Variants in CCDC73 observed in about 807,000 individuals in gnomAD.
The protein encoded by CCDC73 is coiled-coil domain containing 73.
In CCDC73, 95 loss-of-function variants were observed where a neutral mutation model predicts 116.5. The ratio of observed to expected loss-of-function variants is 0.82; its 90% CI spans 0.69 to 0.97. The LOEUF is 0.97. CCDC73 is among the 50% of genes least tolerant of loss of function. The pLI is 0.00. For synonymous variants in CCDC73, 398 were observed against 401.3 expected (o/e 0.99, Z 0.10); for missense variants, 1,066 against 1,206.8 (o/e 0.88, Z 1.73).
chr11:32,627,027 C>T (rs897342090), intron 14 of CCDC73, among the ~76,000 whole-genome samples: 15 of 152,152 alleles, frequency 9.9e-5, no homozygotes, highest in Non-Finnish European at 1.5e-4. Flanking sequence ...TCAGAGTGAA[C>T]AGGCAACCTA....
At chr11:32,819,042 TA>T in the CCDC73 span, among the ~76,000 whole-genome samples, 2 of 152,180 alleles carry the variant, frequency 1.3e-5, no homozygotes, top group Non-Finnish European at 2.9e-5. Context: ...TTGTACCCTT[TA>T]AAATGGTTAA....
intron 6 of CCDC73, among the ~76,000 whole-genome samples, chr11:32,695,197 C>T (rs1317838179): frequency 2.0e-5 from 3 of 152,042 alleles, no homozygotes; most frequent in South Asian, 2.1e-4. Context: ...GGCAAAACCC[C>T]GTCTCTCCTA....
intron 9 of CCDC73, among the ~76,000 whole-genome samples, chr11:32,666,643 C>T (rs372251000): frequency 3.3e-5 from 5 of 152,174 alleles, no homozygotes; most frequent in African/African-American, 1.2e-4. Context: ...TTGTCTGAAG[C>T]CTTCTGCTCT....
At position 32,654,841 on chromosome 11, in the gene CCDC73, T is replaced by C; in HGVS notation, c.774+3A>G. On this transcript the variant is annotated splice_donor_region_variant and intron_variant, in intron 10 of 17. Coordinates refer to ENST00000335185, the MANE Select transcript of CCDC73 (RefSeq NM_001008391.4). ...TTATAAACAAATACATTTAATAAAA[T>C]ACCATGTTGAGTCTTTCTTGAAGTT... is the stretch of plus-strand genomic sequence containing the variant. The C allele has an allele frequency of 6.8e-7, 1 of 1,465,154 alleles. No homozygotes were observed. The highest frequency in any genetic ancestry group is 9.3e-7 in the Non-Finnish European group (1 of 1,076,750). The allele number at this position is 1,465,154 out of a possible 1,614,324, so 90.8% of individuals were successfully genotyped here.
At chr11:32,660,229 C>CAAAAAAA (rs11310092) in intron 9 of CCDC73, among the ~76,000 whole-genome samples, 2 of 66,506 alleles carry the variant, frequency 3.0e-5, no homozygotes, top group African/African-American at 1.2e-4. Flanking sequence ...TTCTCTCTAC[C>CAAAAAAA]AAAAAAAAAA....
chr11:32,701,380 C>T (rs552424512), intron 4 of CCDC73, among the ~76,000 whole-genome samples: 90 of 152,066 alleles, frequency 5.9e-4, no homozygotes, highest in African/African-American at 2.1e-3. Context: ...TGCAGCCTAA[C>T]AAATTATGAC....
At chr11:32,606,711 A>G (rs1428742855) in intron 17 of CCDC73, among the ~76,000 whole-genome samples, 1 of 151,960 alleles carries the variant, frequency 6.6e-6, no homozygotes, top group Non-Finnish European at 1.5e-5. Flanking sequence ...TGTCTTAATG[A>G]CCCTGGAAAG....
intron 12 of CCDC73, among the ~76,000 whole-genome samples, chr11:32,645,612 A>G (rs1855771899): frequency 6.6e-6 from 1 of 151,908 alleles, no homozygotes; most frequent in Admixed American, 6.6e-5. Context: ...AATAAATAGG[A>G]GGAGTAAACT....
intron 16 of CCDC73, among the ~76,000 whole-genome samples, chr11:32,612,843 TCCC>T (rs34529090): frequency 1.3e-5 from 2 of 152,090 alleles, no homozygotes; most frequent in African/African-American, 2.4e-5. Flanking sequence ...CATTTACCTC[TCCC>T]CCCATTTTTT....
chr11:32,819,160 G>A, the CCDC73 span, among the ~76,000 whole-genome samples: 3 of 108,140 alleles, frequency 2.8e-5, no homozygotes, highest in Non-Finnish European at 5.6e-5. Context: ...CATTAGGACA[G>A]TGATTTTTTT....
intron 6 of CCDC73, 106 bp from the exon 7 acceptor site, chr11:32,683,680 G>A: frequency 1.5e-6 from 1 of 653,786 alleles, no homozygotes; most frequent in Non-Finnish European, 2.7e-6. Context: ...TATCTTCTAT[G>A]TACCATTATT....
chr11:32,618,876 G>A (rs533063882), intron 14 of CCDC73, among the ~76,000 whole-genome samples: 5 of 151,916 alleles, frequency 3.3e-5, no homozygotes, highest in African/African-American at 4.8e-5. Flanking sequence ...TAGTCATTCC[G>A]ACTGGTGTGA....
chr11:32,763,776 C>T (rs971111584), intron 1 of CCDC73, among the ~76,000 whole-genome samples: 6 of 152,174 alleles, frequency 3.9e-5, no homozygotes, highest in African/African-American at 9.7e-5. Flanking sequence ...ATGACTTTGA[C>T]GATTTGAGAG....
chr11:32,771,224 T>C (rs1850490107), intron 1 of CCDC73, among the ~76,000 whole-genome samples: 1 of 152,110 alleles, frequency 6.6e-6, no homozygotes, highest in South Asian at 2.1e-4. Flanking sequence ...CTTTGGATCA[T>C]CAAAGAACAA....
chr11:32,696,982 A>G (rs1157206471), intron 6 of CCDC73, among the ~76,000 whole-genome samples: 1 of 150,006 alleles, frequency 6.7e-6, no homozygotes, highest in Non-Finnish European at 1.5e-5. Flanking sequence ...GGTGCTCACC[A>G]CCACACCCAG....
intron 3 of CCDC73, among the ~76,000 whole-genome samples, chr11:32,710,936 C>A (rs977854661): frequency 6.6e-6 from 1 of 152,098 alleles, no homozygotes; most frequent in Non-Finnish European, 1.5e-5. Flanking sequence ...TAACAGACAA[C>A]CCACAGAGTG....
chr11:32,675,767 G>A, intron 8 of CCDC73, 119 bp downstream of exon 8: 1 of 1,189,486 alleles, frequency 8.4e-7, no homozygotes. Context: ...TTAGGTAACA[G>A]TTATTAACTG....
At chr11:32,803,111 T>C in the CCDC73 span, among the ~76,000 whole-genome samples, 1 of 151,068 alleles carries the variant, frequency 6.6e-6, no homozygotes, top group Non-Finnish European at 1.5e-5. Context: ...TATTTTGTTT[T>C]GAGATGGAGT....
intron 14 of CCDC73, among the ~76,000 whole-genome samples, chr11:32,622,227 C>G (rs1256303970): frequency 6.6e-6 from 1 of 152,086 alleles, no homozygotes; most frequent in African/African-American, 2.4e-5. Context: ...TATTGCAGCA[C>G]TATTCGCAAT....
Sources: allele counts gnomAD v4.1 joint callset (sites outside exome capture counted in the v4.1 genomes callset), GRCh38; gene constraint gnomAD v4.1.1; transcripts MANE v1.5; gene names NCBI Gene and HGNC (gene_info 2026-07-23, HGNC 2026-07-21).